The following THSD7B variants were observed in gnomAD, a reference collection of about 807,000 sequenced individuals.
THSD7B encodes the protein thrombospondin type-1 domain-containing protein 7B.
In THSD7B, 138 loss-of-function variants were observed where a neutral mutation model predicts 213.6. That is an observed-to-expected ratio of 0.65 (90% CI 0.56 to 0.74). The LOEUF is 0.74. Among genes scored for constraint, THSD7B ranks in the 30% least tolerant of loss-of-function variants. THSD7B has a pLI of 0.00. For synonymous variants in THSD7B, 742 were observed against 687.0 expected (o/e 1.08, Z -1.25); for missense variants, 1,931 against 1,991.5 (o/e 0.97, Z 0.58).
chr2:136,864,404 A>C (rs1683300522), intron 1 of THSD7B, among the ~76,000 whole-genome samples: 1 of 152,222 alleles, frequency 6.6e-6, no homozygotes, highest in African/African-American at 2.4e-5. Flanking sequence ...AAAATCTCTC[A>C]TATTTCTACC....
chr2:137,425,181 T>C (rs1324747589), intron 14 of THSD7B, among the ~76,000 whole-genome samples: 1 of 151,748 alleles, frequency 6.6e-6, no homozygotes, highest in African/African-American at 2.4e-5. Context: ...TTATAGTAGG[T>C]ATTAAGAGTA....
chr2:137,016,843 G>A (rs1392421617), intron 2 of THSD7B, among the ~76,000 whole-genome samples: 1 of 152,100 alleles, frequency 6.6e-6, no homozygotes, highest in African/African-American at 2.4e-5. Flanking sequence ...ACTTTTGCAA[G>A]TGCTTCTAAC....
intron 2 of THSD7B, among the ~76,000 whole-genome samples, chr2:137,038,269 T>A (rs112862593): frequency 1.1e-4 from 16 of 152,168 alleles, no homozygotes; most frequent in African/African-American, 3.9e-4. Flanking sequence ...AGAGATTTTT[T>A]AAAACATCTT....
intron 14 of THSD7B, among the ~76,000 whole-genome samples, chr2:137,427,878 A>T (rs928389445): frequency 6.6e-6 from 1 of 152,146 alleles, no homozygotes; most frequent in Non-Finnish European, 1.5e-5. Flanking sequence ...AGTGAAGTAT[A>T]TGTTATTTTG....
chr2:137,495,910 C>T (rs1679552532), intron 15 of THSD7B, among the ~76,000 whole-genome samples: 1 of 151,986 alleles, frequency 6.6e-6, no homozygotes, highest in Admixed American at 6.6e-5. Flanking sequence ...AATTTATTGG[C>T]CAATTTTATT....
At chr2:137,395,873 C>A (rs896794295) in intron 12 of THSD7B, among the ~76,000 whole-genome samples, 4 of 148,420 alleles carry the variant, frequency 2.7e-5, no homozygotes, top group African/African-American at 9.9e-5. Context: ...GATTCAACTT[C>A]TTCCTTTTTT....
rs1573703001 is a variant in THSD7B, at chr2:136,906,879, G to A, written c.139+24562G>A. On this transcript the variant is annotated intron_variant, in intron 2 of 27. Transcript: ENST00000409968. ...TCTTAAACTTTGTAGAAAGTATGAA[G>A]CTATGCAAACTTTCATTTACAATAG... is the stretch of plus-strand genomic sequence containing the variant. Among the ~76,000 whole-genome samples, 8 of 143,592 alleles carry A rather than the reference G, an allele frequency of 5.6e-5. No individual in the cohort carries two copies. The Admixed American group carries it at 5.6e-4, about 10-fold the overall frequency. The allele number at this position is 143,592 out of a possible 152,430, so 94.2% of individuals were successfully genotyped here. A position where few individuals can be genotyped will look rare whatever the true frequency, so the allele number is the denominator to read the frequency against.
Position 137,521,520 on chromosome 2 carries a change from C to T in THSD7B, c.3139-41701C>T, listed in dbSNP as rs142690316. 5.7e-3 allele frequency among the ~76,000 whole-genome samples: 870 copies of T among 152,264 alleles called. 27 individuals are homozygous for T. The highest frequency in any genetic ancestry group is 0.054 in the Admixed American group (827 of 15,292). ...TCCCTCTTTTTCTTCTCATTGGACC[C>T]TTTCTCTTCTTGTTGGACTCTTTCT... On this transcript the variant is annotated intron_variant, in intron 15 of 27. Transcript: ENST00000409968.
intron 2 of THSD7B, among the ~76,000 whole-genome samples, chr2:136,986,337 C>A (rs1461993339): frequency 6.6e-6 from 1 of 152,094 alleles, no homozygotes; most frequent in Non-Finnish European, 1.5e-5. Flanking sequence ...TGAGTGAGTT[C>A]TTGCTCAGTT....
chr2:136,870,902 A>G (rs184945797), intron 1 of THSD7B, among the ~76,000 whole-genome samples: 58 of 152,342 alleles, frequency 3.8e-4, no homozygotes, highest in Admixed American at 3.1e-3. Context: ...TGAGGAATGC[A>G]TAGAAGGAAA....
At chr2:137,447,394 G>A (rs908781811) in intron 14 of THSD7B, among the ~76,000 whole-genome samples, 1 of 152,118 alleles carries the variant, frequency 6.6e-6, no homozygotes, top group South Asian at 2.1e-4. Flanking sequence ...TTGCATATGT[G>A]AAGTATGCAT....
chr2:137,454,215 A>G (rs922953209), intron 15 of THSD7B, among the ~76,000 whole-genome samples: 9 of 152,176 alleles, frequency 5.9e-5, no homozygotes, highest in Non-Finnish European at 5.9e-5. Context: ...ACTAGTTTAC[A>G]TTTGCACCAA....
At chr2:137,307,088 A>T (rs1683768204) in intron 12 of THSD7B, among the ~76,000 whole-genome samples, 1 of 152,166 alleles carries the variant, frequency 6.6e-6, no homozygotes, top group Non-Finnish European at 1.5e-5. Context: ...CTGAAAAACT[A>T]GTTCGAAACA....
At chr2:137,638,462 A>G (rs1682876032) in intron 20 of THSD7B, among the ~76,000 whole-genome samples, 2 of 152,314 alleles carry the variant, frequency 1.3e-5, no homozygotes, top group South Asian at 4.1e-4. Context: ...CTGTAAGTCC[A>G]ATTAAACCTC....
rs527611692 is a variant in THSD7B, at chr2:136,892,191, C to G, written c.139+9874C>G. Among the ~76,000 whole-genome samples, 6 of 152,226 alleles carry G rather than the reference C, an allele frequency of 3.9e-5. No homozygotes were observed. In the South Asian group the frequency reaches 1.0e-3, roughly 26 times the overall value. On this transcript the variant is annotated intron_variant, in intron 2 of 27. Coordinates refer to ENST00000409968, the MANE Select transcript of THSD7B (RefSeq NM_001316349.2). Reference sequence around the variant, plus strand: ...CTAGCCTGAGGGCCATGCATGGTCACTTTTTCTGCCTTCTGTTAGTTACAA... The same window carrying G: ...CTAGCCTGAGGGCCATGCATGGTCAGTTTTTCTGCCTTCTGTTAGTTACAA...
intron 24 of THSD7B, among the ~76,000 whole-genome samples, chr2:137,657,777 C>A (rs1683265794): frequency 6.6e-6 from 1 of 152,198 alleles, no homozygotes; most frequent in African/African-American, 2.4e-5. Context: ...TGCAGTGACA[C>A]AATTTTGGCT....
chr2:137,448,790 C>G (rs1168156300), intron 14 of THSD7B, among the ~76,000 whole-genome samples: 2 of 146,606 alleles, frequency 1.4e-5, no homozygotes, highest in African/African-American at 2.7e-5. Flanking sequence ...CAGAGCGAGA[C>G]TCCATCTCAA....
At chr2:137,582,419 C>G (rs532192527) in intron 17 of THSD7B, among the ~76,000 whole-genome samples, 1 of 151,956 alleles carries the variant, frequency 6.6e-6, no homozygotes, top group Non-Finnish European at 1.5e-5. Flanking sequence ...ATCCATGTGC[C>G]GTGTTGGTGT....
At chr2:137,220,944 A>AT (rs897226543) in intron 7 of THSD7B, among the ~76,000 whole-genome samples, 4 of 152,178 alleles carry the variant, frequency 2.6e-5, no homozygotes, top group African/African-American at 9.7e-5. Context: ...AGACTGCATC[A>AT]TTTTTTATAT....
Sources: allele counts gnomAD v4.1 joint callset (sites outside exome capture counted in the v4.1 genomes callset), GRCh38; gene constraint gnomAD v4.1.1; transcripts MANE v1.5; gene names NCBI Gene and HGNC (gene_info 2026-07-23, HGNC 2026-07-21).